SAXO5: variants seen among roughly 807,000 people sequenced by gnomAD.
The protein encoded by SAXO5 is testis expressed 45.
the SAXO5 span, among the ~76,000 whole-genome samples, chr19:7,499,423 C>T: frequency 8.9e-4 from 135 of 151,482 alleles, no homozygotes; most frequent in East Asian, 2.3e-3. Flanking sequence ...GTGGCAGAAA[C>T]GGAGATGGCC....
At chr19:7,503,463 T>A in the SAXO5 span, among the ~76,000 whole-genome samples, 1 of 152,012 alleles carries the variant, frequency 6.6e-6, no homozygotes, top group Non-Finnish European at 1.5e-5. Context: ...TTGGTAGATA[T>A]TATTGGGGTT....
the SAXO5 span, chr19:7,506,441 G>A: frequency 2.0e-6 from 1 of 502,908 alleles, no homozygotes; most frequent in Admixed American, 3.1e-5. Context: ...CCCCTTCATG[G>A]CCATGCCTCT....
the SAXO5 span, chr19:7,508,414 GC>G: frequency 1.9e-6 from 3 of 1,609,804 alleles, no homozygotes; most frequent in Non-Finnish European, 2.5e-6. Flanking sequence ...ATGTACCTGT[GC>G]CCCAGCCAGC....
the SAXO5 span, among the ~76,000 whole-genome samples, chr19:7,504,583 G>A: frequency 3.9e-5 from 6 of 152,008 alleles, no homozygotes; most frequent in African/African-American, 1.4e-4. Flanking sequence ...GTGGGCGCCT[G>A]TAATCCCAGT....
At chr19:7,508,376 G>C in the SAXO5 span, 3 of 1,613,644 alleles carry the variant, frequency 1.9e-6, no homozygotes, top group Non-Finnish European at 8.5e-7. Context: ...GCAGGGAGAA[G>C]ATAGACCCTC....
At chr19:7,506,203 GCCCCGGGAAGCCCCA>G in the SAXO5 span, 1 of 1,276,104 alleles carries the variant, frequency 7.8e-7, no homozygotes, top group Admixed American at 3.5e-5. Context: ...ATGGAGCCCC[GCCCCGGGAAGCCCCA>G]CCCCCGAAAG....
the SAXO5 span, chr19:7,508,164 C>A: frequency 1.3e-6 from 2 of 1,574,508 alleles, no homozygotes; most frequent in Non-Finnish European, 1.7e-6. Context: ...GATCGGCCAC[C>A]TCCCAGGCTG....
the SAXO5 span, chr19:7,501,183 GC>G: frequency 3.9e-6 from 6 of 1,522,374 alleles, no homozygotes; most frequent in African/African-American, 2.9e-5. Flanking sequence ...GGACGCGCAC[GC>G]CGGGATCGGC....
the SAXO5 span, chr19:7,506,262 C>G: frequency 9.1e-7 from 1 of 1,096,518 alleles, no homozygotes; most frequent in African/African-American, 1.6e-5. Flanking sequence ...CCATGGAGCC[C>G]CGCCCCCACG....
At chr19:7,506,080 G>C in the SAXO5 span, 2 of 1,613,884 alleles carry the variant, frequency 1.2e-6, no homozygotes, top group Non-Finnish European at 1.7e-6. Context: ...CCATGGGCTC[G>C]GACTACTGCC....
the SAXO5 span, chr19:7,506,314 T>G: frequency 5.8e-6 from 4 of 688,792 alleles, no homozygotes; most frequent in African/African-American, 3.9e-5. Flanking sequence ...GCCTCGCCCT[T>G]GCCACTGCTC....
chr19:7,503,993 G>A, the SAXO5 span: 165,042 of 654,650 alleles, frequency 0.25, 22,298 homozygotes, highest in Middle Eastern at 0.32. Flanking sequence ...ACAGCTCTCA[G>A]TCTACACTGT....
chr19:7,502,444 G>T, the SAXO5 span, among the ~76,000 whole-genome samples: 1 of 152,168 alleles, frequency 6.6e-6, no homozygotes, highest in African/African-American at 2.4e-5. Flanking sequence ...ATGGGCAGAG[G>T]TGCTACCAGC....
the SAXO5 span, among the ~76,000 whole-genome samples, chr19:7,503,533 G>T: frequency 3.3e-5 from 5 of 151,316 alleles, no homozygotes; most frequent in Non-Finnish European, 7.4e-5. Flanking sequence ...GGCCCAGGCT[G>T]GAGTGCAGTG....
At chr19:7,499,407 A>G in the SAXO5 span, among the ~76,000 whole-genome samples, 5 of 150,350 alleles carry the variant, frequency 3.3e-5, no homozygotes, top group Non-Finnish European at 5.9e-5. Flanking sequence ...AGAAGGGAGA[A>G]AAAGTGTGGC....
chr19:7,506,271 C>T, the SAXO5 span: 337,970 of 1,021,422 alleles, frequency 0.33, 57,248 homozygotes, highest in African/African-American at 0.35. Flanking sequence ...CCCGCCCCCA[C>T]GGAGCCCCGT....
At chr19:7,499,661 T>G in the SAXO5 span, 1 of 152,190 alleles carries the variant, frequency 6.6e-6, no homozygotes, top group African/African-American at 2.4e-5. Flanking sequence ...TCAATGTCTT[T>G]TGTGAAGCAG....
At chr19:7,506,101 G>C in the SAXO5 span, 2 of 1,613,554 alleles carry the variant, frequency 1.2e-6, no homozygotes, top group Non-Finnish European at 1.7e-6. Flanking sequence ...CTTCAGAGTG[G>C]AGACAGGTGC....
the SAXO5 span, chr19:7,501,334 C>G: frequency 2.6e-6 from 4 of 1,564,318 alleles, no homozygotes; most frequent in Middle Eastern, 1.7e-4. Context: ...CCGCCCACCA[C>G]GCACCAGGCG....
Sources: allele counts gnomAD v4.1 joint callset (sites outside exome capture counted in the v4.1 genomes callset), GRCh38; gene constraint gnomAD v4.1.1; transcripts MANE v1.5; gene names NCBI Gene and HGNC (gene_info 2026-07-23, HGNC 2026-07-21).